Variants in DAB1 observed in about 807,000 individuals in gnomAD.
The protein encoded by DAB1 is disabled homolog 1.
Under a neutral mutation model 64.6 loss-of-function variants are expected in DAB1, and 15 were observed. The ratio of observed to expected loss-of-function variants is 0.23; its 90% CI spans 0.16 to 0.36. The LOEUF (loss-of-function observed/expected upper bound fraction) is 0.36. Among genes scored for constraint, DAB1 ranks in the 10% least tolerant of loss-of-function variants. The probability of loss-of-function intolerance (pLI) is 1.00; values close to 1 mark genes in which losing one functional copy is unlikely to be tolerated. For missense variants in DAB1, 596 were observed against 706.7 expected (o/e 0.84, Z 1.78); for synonymous variants, 235 against 251.9 (o/e 0.93, Z 0.64).
chr1:58,526,904 T>C (rs1646360193), intron 2 of DAB1, among the ~76,000 whole-genome samples: 2 of 152,126 alleles, frequency 1.3e-5, no homozygotes, highest in African/African-American at 4.8e-5. Flanking sequence ...CATAACCAAA[T>C]GTTTTAAAAT....
intron 7 of DAB1, among the ~76,000 whole-genome samples, chr1:57,555,675 T>G (rs1195021774): frequency 6.6e-6 from 1 of 152,142 alleles, no homozygotes; most frequent in Non-Finnish European, 1.5e-5. Flanking sequence ...ACAAAAGCAT[T>G]GGGACTCAGT....
At chr1:58,274,955 T>C (rs919583833) in intron 4 of DAB1, among the ~76,000 whole-genome samples, 6 of 136,480 alleles carry the variant, frequency 4.4e-5, no homozygotes, top group African/African-American at 1.8e-4. Flanking sequence ...AATGCAGAAA[T>C]CACCGGTCTT....
At chr1:57,916,386 G>T (rs144029081) in intron 5 of DAB1, among the ~76,000 whole-genome samples, 6 of 152,126 alleles carry the variant, frequency 3.9e-5, no homozygotes, top group African/African-American at 1.2e-4. Flanking sequence ...CCAAAACTCC[G>T]ATTTCTTCAT....
At chr1:57,550,748 G>C (rs1644904837) in intron 7 of DAB1, among the ~76,000 whole-genome samples, 1 of 152,124 alleles carries the variant, frequency 6.6e-6, no homozygotes, top group Non-Finnish European at 1.5e-5. Flanking sequence ...GCTTAACACA[G>C]ACTGTACTTT....
At position 57,068,462 on chromosome 1, in the gene DAB1, T is replaced by C. The variant is rs12141468; in HGVS notation, c.663+898A>G. ...AGAATTCTATGCATTTGACAGAAAT[T>C]GAAAATATGTTTTACTTTTATTACA... On this transcript the variant is annotated intron_variant, in intron 8 of 14. Transcript: ENST00000371236. Among the ~76,000 whole-genome samples the C allele has an allele frequency of 3.1e-3, 477 of 152,312 alleles. 2 individuals carry two copies. The highest frequency in any genetic ancestry group is 3.8e-3 in the Non-Finnish European group (259 of 68,022).
intron 3 of DAB1, among the ~76,000 whole-genome samples, chr1:58,371,220 G>A (rs1644261621): frequency 6.6e-6 from 1 of 152,168 alleles, no homozygotes; most frequent in Admixed American, 6.5e-5. Flanking sequence ...GAACTTATTG[G>A]GAATTGGAAC....
intron 8 of DAB1, among the ~76,000 whole-genome samples, chr1:57,067,304 A>C (rs1031930639): frequency 7.2e-5 from 11 of 152,112 alleles, no homozygotes; most frequent in African/African-American, 2.7e-4. Context: ...TGAAACTCAG[A>C]ATCAGGGGAT....
intron 5 of DAB1, among the ~76,000 whole-genome samples, chr1:57,953,754 G>A (rs1466314749): frequency 6.6e-6 from 1 of 152,174 alleles, no homozygotes; most frequent in African/African-American, 2.4e-5. Flanking sequence ...CAGGTGAGAG[G>A]AGAGAAAGGT....
intron 2 of DAB1, among the ~76,000 whole-genome samples, chr1:57,268,763 G>C (rs10889033): frequency 0.38 from 58,358 of 152,078 alleles, 11,354 homozygotes; most frequent in South Asian, 0.49. Flanking sequence ...CACAGGTTAA[G>C]TAGCTTGCGG....
At chr1:58,505,652 AAT>A (rs1356326289) in intron 3 of DAB1, among the ~76,000 whole-genome samples, 3 of 152,188 alleles carry the variant, frequency 2.0e-5, no homozygotes, top group Non-Finnish European at 4.4e-5. Flanking sequence ...TACTACAATT[AAT>A]ATCCACTTGA....
chr1:57,455,501 C>T (rs190006122), intron 7 of DAB1, among the ~76,000 whole-genome samples: 25 of 152,082 alleles, frequency 1.6e-4, no homozygotes, highest in East Asian at 9.7e-4. Flanking sequence ...AGGAATGTTA[C>T]GATTAGGGTA....
intron 5 of DAB1, among the ~76,000 whole-genome samples, chr1:57,979,918 T>C (rs902561253): frequency 2.0e-5 from 3 of 152,234 alleles, no homozygotes; most frequent in Non-Finnish European, 4.4e-5. Flanking sequence ...TATTATTCTA[T>C]AATTCCTCTA....
intron 4 of DAB1, among the ~76,000 whole-genome samples, chr1:57,114,420 G>A (rs1050475058): frequency 1.4e-4 from 22 of 152,056 alleles, no homozygotes; most frequent in Admixed American, 7.9e-4. Flanking sequence ...AGTATCAACC[G>A]GAAAAGCTTC....
At chr1:57,578,958 T>C (rs1163811550) in intron 7 of DAB1, among the ~76,000 whole-genome samples, 1 of 152,104 alleles carries the variant, frequency 6.6e-6, no homozygotes, top group Non-Finnish European at 1.5e-5. Flanking sequence ...ATGAAAGGAG[T>C]TGGTCTTCAT....
chr1:58,036,482 G>A (rs1647047096), intron 5 of DAB1, among the ~76,000 whole-genome samples: 1 of 152,160 alleles, frequency 6.6e-6, no homozygotes, highest in Non-Finnish European at 1.5e-5. Flanking sequence ...AGTTCTTATA[G>A]TCGCCACTAA....
intron 3 of DAB1, among the ~76,000 whole-genome samples, chr1:58,471,384 G>C (rs1645356171): frequency 6.6e-6 from 1 of 152,136 alleles, no homozygotes; most frequent in Non-Finnish European, 1.5e-5. Flanking sequence ...TTTTTCATCA[G>C]ATCTAGTTAC....
At chr1:57,142,613 CACACACACACACACACAT>C (rs1658713069) in intron 3 of DAB1, among the ~76,000 whole-genome samples, 2 of 149,866 alleles carry the variant, frequency 1.3e-5, no homozygotes, top group African/African-American at 2.5e-5. Flanking sequence ...CACACACACA[CACACACACACACACACAT>C]ACACACACAC....
intron 4 of DAB1, among the ~76,000 whole-genome samples, chr1:57,108,731 G>A (rs1456096971): frequency 6.6e-6 from 1 of 152,188 alleles, no homozygotes; most frequent in African/African-American, 2.4e-5. Context: ...GGCTTCACCA[G>A]CTGCTAGCTG....
intron 5 of DAB1, among the ~76,000 whole-genome samples, chr1:58,103,336 C>T (rs1464466056): frequency 1.3e-5 from 2 of 152,038 alleles, no homozygotes; most frequent in Admixed American, 1.3e-4. Flanking sequence ...AAAACTTTCT[C>T]CGTAAAGGGC....
Sources: allele counts gnomAD v4.1 joint callset (sites outside exome capture counted in the v4.1 genomes callset), GRCh38; gene constraint gnomAD v4.1.1; transcripts MANE v1.5; gene names NCBI Gene and HGNC (gene_info 2026-07-23, HGNC 2026-07-21).